The following TSHZ2 variants were observed in gnomAD, a reference collection of about 807,000 sequenced individuals.
TSHZ2 encodes the protein teashirt homolog 2.
A neutral mutation model predicts 74.4 loss-of-function variants in TSHZ2; 21 were observed. The observed-to-expected ratio is 0.28, with a 90% CI of 0.20 to 0.41. The LOEUF (loss-of-function observed/expected upper bound fraction) is 0.41. Ranked by LOEUF, TSHZ2 falls within the 10% of genes least tolerant of loss-of-function variation. The pLI, the probability that TSHZ2 is intolerant of heterozygous loss-of-function variation, is 1.00. For synonymous variants in TSHZ2, 540 were observed against 515.3 expected (o/e 1.05, Z -0.65); for missense variants, 1,244 against 1,293.5 (o/e 0.96, Z 0.59).
intron 2 of TSHZ2, among the ~76,000 whole-genome samples, chr20:53,453,527 A>G (rs1293569641): frequency 6.6e-5 from 10 of 152,208 alleles, no homozygotes; most frequent in Non-Finnish European, 1.2e-4. Flanking sequence ...TTTAATTACA[A>G]TGCTCCATCG....
At chr20:53,329,195 C>T (rs935548191) in intron 2 of TSHZ2, among the ~76,000 whole-genome samples, 2 of 152,112 alleles carry the variant, frequency 1.3e-5, no homozygotes, top group Non-Finnish European at 2.9e-5. Context: ...CTTTAAAAAC[C>T]GGAGAGGCAA....
chr20:53,130,348 G>A (rs1987069978), intron 1 of TSHZ2, among the ~76,000 whole-genome samples: 1 of 152,218 alleles, frequency 6.6e-6, no homozygotes, highest in Admixed American at 6.5e-5. Flanking sequence ...GGTCAGCCAG[G>A]TACAGTGGCT....
intron 2 of TSHZ2, among the ~76,000 whole-genome samples, chr20:53,449,074 A>C (rs1247393731): frequency 6.6e-6 from 1 of 152,170 alleles, no homozygotes; most frequent in Non-Finnish European, 1.5e-5. Flanking sequence ...CCTCCCCTGT[A>C]TCAGAGTCTC....
intron 2 of TSHZ2, among the ~76,000 whole-genome samples, chr20:53,284,709 C>T (rs1991131448): frequency 7.0e-6 from 1 of 143,828 alleles, no homozygotes; most frequent in Admixed American, 6.9e-5. Context: ...CCCCCCTACA[C>T]GCCCGTCCCC....
At chr20:53,045,361 G>C (rs1984190971) in intron 1 of TSHZ2, among the ~76,000 whole-genome samples, 1 of 152,206 alleles carries the variant, frequency 6.6e-6, no homozygotes, top group Admixed American at 6.5e-5. Flanking sequence ...AGAGACCCAG[G>C]ATATTTGCAA....
chr20:53,269,676 A>G (rs1990792521), intron 2 of TSHZ2, among the ~76,000 whole-genome samples: 1 of 152,236 alleles, frequency 6.6e-6, no homozygotes, highest in Non-Finnish European at 1.5e-5. Context: ...CTGGCACAGT[A>G]TCCATTATCA....
Position 53,466,586 on chromosome 20 carries a change from G to A in TSHZ2, c.*9-20558G>A, listed in dbSNP as rs114074639. On this transcript the variant is annotated intron_variant, in intron 2 of 2. Transcript: ENST00000371497. ...CAAACAATTTAAGTGCTCTTTTGGA[G>A]TATACGAATGTGGCTCAATAAAAAT... 9.4e-3 allele frequency among the ~76,000 whole-genome samples: 1,435 copies of A among 152,290 alleles called. 25 individuals are homozygous for A. Among genetic ancestry groups the A allele is most frequent in the African/African-American group, 0.033 (1,367 of 41,542 alleles).
intron 2 of TSHZ2, among the ~76,000 whole-genome samples, chr20:53,407,841 A>C (rs917491542): frequency 5.3e-5 from 8 of 152,242 alleles, no homozygotes; most frequent in African/African-American, 1.9e-4. Context: ...GTGTGACTGC[A>C]TTCCAATACC....
intron 1 of TSHZ2, among the ~76,000 whole-genome samples, chr20:53,070,434 G>T (rs951610682): frequency 6.6e-6 from 1 of 152,070 alleles, no homozygotes; most frequent in African/African-American, 2.4e-5. Flanking sequence ...ATTTACCTGC[G>T]CTTTCGAAAT....
At chr20:53,261,738 A>G (rs1990604550) in intron 2 of TSHZ2, among the ~76,000 whole-genome samples, 1 of 152,246 alleles carries the variant, frequency 6.6e-6, no homozygotes, top group Admixed American at 6.5e-5. Flanking sequence ...CATCAGTATC[A>G]TCTTTTCATT....
intron 1 of TSHZ2, among the ~76,000 whole-genome samples, chr20:53,229,357 C>T (rs1235921775): frequency 1.3e-5 from 2 of 152,336 alleles, no homozygotes; most frequent in East Asian, 1.9e-4. Context: ...GCAATGCCAC[C>T]TTGCCATTGG....
chr20:52,988,583 G>T (rs1163477651), intron 1 of TSHZ2, among the ~76,000 whole-genome samples: 2 of 148,320 alleles, frequency 1.3e-5, no homozygotes, highest in Non-Finnish European at 3.0e-5. Flanking sequence ...TAAGTCAATT[G>T]TGTTGTAGAA....
intron 2 of TSHZ2, among the ~76,000 whole-genome samples, chr20:53,285,160 C>T (rs1791290883): frequency 1.3e-5 from 2 of 152,086 alleles, no homozygotes; most frequent in Admixed American, 6.6e-5. Context: ...GTGCAAGCCC[C>T]CACAAAGTGA....
chr20:53,190,108 TATATATATATATATATATATATATATATA>T (rs1988696144), intron 1 of TSHZ2, among the ~76,000 whole-genome samples: 3 of 73,568 alleles, frequency 4.1e-5, no homozygotes, highest in African/African-American at 2.0e-4. Context: ...TATATATATA[TATATATATATATATATATATATATATATA>T]TTTTCTTAAA....
chr20:53,074,322 G>A lies in TSHZ2; in HGVS notation c.40+100989G>A, dbSNP rs960939624. On this transcript the variant is annotated intron_variant, in intron 1 of 2. Coordinates refer to ENST00000371497, the MANE Select transcript of TSHZ2 (RefSeq NM_173485.6). This position sits in a 1 kb window ranked among gnomAD's most constrained non-coding sequence, Gnocchi z 5.9. ...TGCTGAAATTATGTCCTAAGTATCA[G>A]TCCTTTCTACTGGATTTTGAGTTTC... Among the ~76,000 whole-genome samples, 2 of 152,200 alleles carry A rather than the reference G, an allele frequency of 1.3e-5. No homozygotes were observed. Among genetic ancestry groups the A allele is most frequent in the African/African-American group, 4.8e-5 (2 of 41,448 alleles).
At chr20:53,388,180 T>C (rs1982116599) in intron 2 of TSHZ2, among the ~76,000 whole-genome samples, 1 of 152,188 alleles carries the variant, frequency 6.6e-6, no homozygotes, top group Admixed American at 6.5e-5. Flanking sequence ...GATTGTGTCA[T>C]AGGGTTGTAA....
At chr20:53,153,780 A>G (rs1388704473) in intron 1 of TSHZ2, among the ~76,000 whole-genome samples, 1 of 152,200 alleles carries the variant, frequency 6.6e-6, no homozygotes, top group Non-Finnish European at 1.5e-5. Flanking sequence ...TCAGCAGCTT[A>G]AAACAGGGAC....
In TSHZ2 at chr20:53,253,488, T is replaced by G. The variant is rs748806888; in HGVS notation, c.41-11T>G. Reference sequence around the variant, plus strand: ...GTTACTGTCGTTTCATCTCTTCTTCTTCTCTTGCAGGCTACGCCCAGGAGG... The same window carrying G: ...GTTACTGTCGTTTCATCTCTTCTTCGTCTCTTGCAGGCTACGCCCAGGAGG... On this transcript the variant is annotated splice_polypyrimidine_tract_variant and intron_variant, in intron 1 of 2. Coordinates refer to ENST00000371497, the MANE Select transcript of TSHZ2 (RefSeq NM_173485.6). 19 of 1,584,756 alleles carry G rather than the reference T, an allele frequency of 1.2e-5. No homozygotes were observed. The African/African-American group carries it at 2.4e-4, about 20-fold the overall frequency.
intron 1 of TSHZ2, among the ~76,000 whole-genome samples, chr20:53,108,743 T>C (rs1247792117): frequency 1.3e-5 from 2 of 152,208 alleles, no homozygotes; most frequent in East Asian, 3.8e-4. Flanking sequence ...TATGATTAAT[T>C]TGAGTTTTCC....
Sources: allele counts gnomAD v4.1 joint callset (sites outside exome capture counted in the v4.1 genomes callset), GRCh38; gene constraint gnomAD v4.1.1; non-coding constraint Gnocchi (gnomAD v3.1); transcripts MANE v1.5; gene names NCBI Gene and HGNC (gene_info 2026-07-23, HGNC 2026-07-21).